The following BRWD3 variants were observed in gnomAD, a reference collection of about 807,000 sequenced individuals.
BRWD3 encodes bromodomain and WD repeat-containing protein 3.
In BRWD3, 10 loss-of-function variants were observed where a neutral mutation model predicts 149.7. The observed-to-expected ratio is 0.07, with a 90% CI of 0.04 to 0.11. The LOEUF is 0.11. BRWD3 is among the 10% of genes least tolerant of loss of function. BRWD3 has a pLI of 1.00. For synonymous variants in BRWD3, 504 were observed against 456.7 expected (o/e 1.10, Z -1.32); for missense variants, 940 against 1,373.2 (o/e 0.68, Z 4.99).
At chrX:80,742,619 T>C in intron 8 of BRWD3, among the ~76,000 whole-genome samples, 1 of 110,181 alleles carries the variant, frequency 9.1e-6, no homozygotes, top group Middle Eastern at 4.6e-3. Flanking sequence ...TCACATCCCT[T>C]GTAAGTTGGA....
chrX:80,768,882 G>T (rs184895270), intron 6 of BRWD3, among the ~76,000 whole-genome samples: 1 of 108,539 alleles, frequency 9.2e-6, no homozygotes, highest in East Asian at 2.9e-4. Flanking sequence ...AGGGAAGGAG[G>T]AAGATCTACC....
intron 8 of BRWD3, chrX:80,743,732 T>A: frequency 4.1e-6 from 1 of 244,267 alleles, no homozygotes; most frequent in East Asian, 7.8e-5. Context: ...TATATCCTAA[T>A]AGGAAAGAGT....
chrX:80,705,720 C>G (rs768709733), intron 22 of BRWD3, among the ~76,000 whole-genome samples: 2 of 111,747 alleles, frequency 1.8e-5, no homozygotes, highest in Non-Finnish European at 3.8e-5. Flanking sequence ...AATTTTAACA[C>G]AATGCTAAGT....
intron 27 of BRWD3, among the ~76,000 whole-genome samples, chrX:80,694,674 C>T (rs1008994807): frequency 3.6e-5 from 4 of 111,164 alleles, no homozygotes; most frequent in Non-Finnish European, 7.5e-5. Flanking sequence ...TTTGACTGCC[C>T]CGCTGGATTT....
rs780850373 is a variant in BRWD3 at position 80,675,295 on chromosome X, G to A, written c.*1314C>T. ...AAGACTAGAACAGAAGAACCCTTTG[G>A]AATGATATGAGCAGAATCTATAAGT... On this transcript the variant is annotated 3_prime_UTR_variant, in exon 41 of 41. Transcript: ENST00000373275. 5 of 111,731 alleles carry A rather than the reference G, an allele frequency of 4.5e-5. No homozygotes were observed. Among genetic ancestry groups the A allele is most frequent in the African/African-American group, 1.6e-4 (5 of 30,810 alleles). The allele number at this position is 111,731 out of a possible 1,213,427, so 9.2% of individuals were successfully genotyped here. A position where few individuals can be genotyped will look rare whatever the true frequency, so the allele number is the denominator to read the frequency against.
At chrX:80,802,932 C>A (rs1038814205) in intron 4 of BRWD3, among the ~76,000 whole-genome samples, 1 of 109,921 alleles carries the variant, frequency 9.1e-6, no homozygotes, top group South Asian at 3.9e-4. Flanking sequence ...GGAGAAACCC[C>A]GTCTCTGCTA....
chrX:80,776,876 G>A (rs2074004961), intron 6 of BRWD3, among the ~76,000 whole-genome samples: 1 of 111,016 alleles, frequency 9.0e-6, no homozygotes, highest in Non-Finnish European at 1.9e-5. Context: ...ATCTAGAACT[G>A]ATCCTGGCTT....
At chrX:80,730,651 C>A (rs1388346645) in intron 12 of BRWD3, among the ~76,000 whole-genome samples, 1 of 111,168 alleles carries the variant, frequency 9.0e-6, no homozygotes, top group Non-Finnish European at 1.9e-5. Flanking sequence ...ATACTAAAAA[C>A]CAATGAATTT....
At chrX:80,690,192 T>A (rs2072592785) in intron 31 of BRWD3, 100 bp from the exon 32 acceptor site, 16 of 883,397 alleles carry the variant, frequency 1.8e-5, no homozygotes, top group Non-Finnish European at 2.2e-5. Flanking sequence ...ACACAGTGTG[T>A]CAAAGGTGTT....
At chrX:80,749,305 G>GTC (rs969812061) in intron 6 of BRWD3, among the ~76,000 whole-genome samples, 24 of 110,504 alleles carry the variant, frequency 2.2e-4, no homozygotes, top group African/African-American at 7.2e-4. Flanking sequence ...CAGTTGCAGT[G>GTC]TCTCTCTCTC....
At chrX:80,712,747 G>A (rs747427623) in intron 20 of BRWD3, among the ~76,000 whole-genome samples, 8 of 108,049 alleles carry the variant, frequency 7.4e-5, no homozygotes, top group Middle Eastern at 4.7e-3. Flanking sequence ...TGTGGGGAGC[G>A]CCTCTGCCCT....
At chrX:80,802,082 A>G (rs1179417915) in intron 4 of BRWD3, among the ~76,000 whole-genome samples, 1 of 112,321 alleles carries the variant, frequency 8.9e-6, no homozygotes, top group Non-Finnish European at 1.9e-5. Context: ...TCTGAGTTCA[A>G]TTCTGACACT....
chrX:80,761,800 G>A (rs2073805393), intron 6 of BRWD3, among the ~76,000 whole-genome samples: 2 of 111,356 alleles, frequency 1.8e-5, no homozygotes, highest in South Asian at 7.5e-4. Flanking sequence ...TATTTTTTAT[G>A]AAATCTATAC....
chrX:80,706,131 A>T (rs2072860300), intron 22 of BRWD3, among the ~76,000 whole-genome samples: 1 of 110,624 alleles, frequency 9.0e-6, no homozygotes, highest in South Asian at 3.9e-4. Flanking sequence ...TCCTTGAGAC[A>T]GAGTTTCACT....
chrX:80,787,648 T>C (rs2074124961), intron 6 of BRWD3, among the ~76,000 whole-genome samples: 1 of 108,823 alleles, frequency 9.2e-6, no homozygotes, highest in Non-Finnish European at 1.9e-5. Context: ...AGTCTAAATA[T>C]ACAACAAAAC....
intron 33 of BRWD3, among the ~76,000 whole-genome samples, 165 bp from the exon 34 acceptor site, chrX:80,688,290 AATAT>A: frequency 9.0e-6 from 1 of 111,606 alleles, no homozygotes; most frequent in Non-Finnish European, 1.9e-5. Context: ...AAACTTTCCC[AATAT>A]GCAGTGTACA....
At position 80,704,873 on chromosome X, in the gene BRWD3, C is replaced by T. The variant is rs780696008; in HGVS notation, c.2553-27G>A. The T allele has an allele frequency of 1.4e-5, 16 of 1,158,623 alleles. No homozygotes were observed. The South Asian group carries it at 2.0e-4, about 14-fold the overall frequency. On this transcript the variant is annotated intron_variant, in intron 22 of 40. Coordinates refer to ENST00000373275, the MANE Select transcript of BRWD3 (RefSeq NM_153252.5). The stretch of plus-strand genomic sequence containing the variant: ...TGTAAATAAATCAAAATTATGGATA[C>T]CTAAGTATAGAAAAGGAGTAGTTTT...
At position 80,764,503 on chromosome X, in the gene BRWD3, C is replaced by T. The variant is rs772991514; in HGVS notation, c.431-18774G>A. On this transcript the variant is annotated intron_variant, in intron 6 of 40. Coordinates refer to ENST00000373275, the MANE Select transcript of BRWD3 (RefSeq NM_153252.5). Reference sequence around the variant, plus strand: ...TTTTTTTTTGTATTTTTAGTATAGACGGTGTTTCACCATGTTAGCCAGGAT... The same window carrying T: ...TTTTTTTTTGTATTTTTAGTATAGATGGTGTTTCACCATGTTAGCCAGGAT... Among the ~76,000 whole-genome samples the T allele has an allele frequency of 6.9e-4, 75 of 107,950 alleles. 1 individual carries two copies. Among genetic ancestry groups the T allele is most frequent in the African/African-American group, 2.5e-3 (73 of 29,433 alleles). 93.7% of individuals were successfully genotyped at this position (107,950 alleles called of 115,157 possible).
At chrX:80,737,395 GA>G (rs1446633550) in intron 8 of BRWD3, among the ~76,000 whole-genome samples, 1 of 111,872 alleles carries the variant, frequency 8.9e-6, no homozygotes. Flanking sequence ...ATAATGACAA[GA>G]AAAAAATCTG....
Sources: gnomAD v4.1 joint callset for allele counts (sites outside exome capture counted in the v4.1 genomes callset) on GRCh38, gnomAD v4.1.1 for gene constraint, MANE v1.5 for transcripts, NCBI Gene and HGNC (gene_info 2026-07-23, HGNC 2026-07-21) for gene names.